Variants in CDK5RAP2 observed in about 807,000 individuals in gnomAD.
CDK5RAP2 encodes CDK5 regulatory subunit-associated protein 2.
A neutral mutation model predicts 232.9 loss-of-function variants in CDK5RAP2; 147 were observed. The ratio of observed to expected loss-of-function variants is 0.63; its 90% confidence interval spans 0.55 to 0.72. The LOEUF (loss-of-function observed/expected upper bound fraction) is 0.72. Among genes scored for constraint, CDK5RAP2 ranks in the 30% least tolerant of loss-of-function variants. The pLI, the probability that CDK5RAP2 is intolerant of heterozygous loss-of-function variation, is 0.00. For missense variants in CDK5RAP2, 2,195 were observed against 2,231.5 expected (o/e 0.98, Z 0.33); for synonymous variants, 833 against 833.7 (o/e 1.00, Z 0.01).
chr9:120,469,118 C>G (rs114624270), intron 17 of CDK5RAP2, among the ~76,000 whole-genome samples: 1 of 152,202 alleles, frequency 6.6e-6, no homozygotes, highest in Non-Finnish European at 1.5e-5. Context: ...TGCCTCCATA[C>G]TCCTTGCCCT....
At chr9:120,498,432 G>T (rs977705753) in intron 12 of CDK5RAP2, among the ~76,000 whole-genome samples, 3 of 152,152 alleles carry the variant, frequency 2.0e-5, no homozygotes, top group African/African-American at 7.2e-5. Context: ...AAAGACAAAA[G>T]CTGAGCAACT....
Position 120,487,429 on chromosome 9 carries a change from A to G in CDK5RAP2, c.1491T>C (p.Asn497=). The part of the protein sequence containing the change: ...NQKDVLLQKF[N]EKDLEVIQQN... ...GCTGTATTACTTCCAAATCTTTTTC[A>G]TTGAATTTCTAATGAAATAAAACAA... is the stretch of plus-strand genomic sequence containing the variant. Residue 497 remains asparagine, a synonymous_variant, in exon 14 of 38, where the codon AAT becomes AAC. Coordinates refer to ENST00000349780, the MANE Select transcript of CDK5RAP2 (RefSeq NM_018249.6). The G allele has an allele frequency of 6.2e-7, 1 of 1,604,216 alleles. No individual in the cohort carries two copies. The highest frequency in any genetic ancestry group is 1.1e-5 in the South Asian group (1 of 88,208).
At chr9:120,567,713 T>C (rs2042697815) in intron 3 of CDK5RAP2, among the ~76,000 whole-genome samples, 1 of 152,242 alleles carries the variant, frequency 6.6e-6, no homozygotes, top group African/African-American at 2.4e-5. Flanking sequence ...AGGTACAGGC[T>C]ACTCACATTT....
rs562226627 is a variant in CDK5RAP2, at chr9:120,500,120, G to T, written c.1312-8643C>A. On this transcript the variant is annotated intron_variant, in intron 12 of 37. Transcript: ENST00000349780. Reference sequence around the variant, plus strand: ...CATCCTTTTAGTCTAAAGGAAAGGCGGGACAGGTGGCGAGGCAGTGCCTAA... The same window carrying T: ...CATCCTTTTAGTCTAAAGGAAAGGCTGGACAGGTGGCGAGGCAGTGCCTAA... 5.3e-5 allele frequency among the ~76,000 whole-genome samples: 8 copies of T among 152,266 alleles called. 1 individual carries two copies. The South Asian group carries it at 1.7e-3, about 32-fold the overall frequency.
Position 120,447,901 on chromosome 9 carries a change from G to A in CDK5RAP2, c.3019C>T (p.Leu1007=). Residue 1007 remains leucine (L), a synonymous_variant, in exon 22 of 38, where the codon CTG becomes TTG. Transcript: ENST00000349780. ...EGRPTPDKTL[L]NAQPPVGAAY... ...CATTTTTCTTGGTGCTTACCATTCA[G>A]CAACGTTTTGTCGGGCGTTGGCCTC... 6.2e-7 allele frequency: 1 copy of A among 1,612,852 alleles called. No individual in the cohort carries two copies. The highest frequency in any genetic ancestry group is 8.5e-7 in the Non-Finnish European group (1 of 1,178,830).
At chr9:120,453,392 G>C (rs1379343963) in intron 21 of CDK5RAP2, 64 bp downstream of exon 21, 1 of 1,451,378 alleles carries the variant, frequency 6.9e-7, no homozygotes, top group African/African-American at 1.4e-5. Flanking sequence ...TGAGATTAAA[G>C]GTGATTTTTA....
At chr9:120,469,675 T>C (rs1191005549) in intron 17 of CDK5RAP2, among the ~76,000 whole-genome samples, 1 of 152,236 alleles carries the variant, frequency 6.6e-6, no homozygotes, top group Admixed American at 6.5e-5. Context: ...TATTAGTTCC[T>C]ATATGTGTGC....
At chr9:120,571,059 TGAGATGGAGAA>T (rs767819852) in intron 2 of CDK5RAP2, among the ~76,000 whole-genome samples, 2,713 of 152,196 alleles carry the variant, frequency 0.018, 39 homozygotes, top group Non-Finnish European at 0.027. Context: ...CTAGGGAGAC[TGAGATGGAGAA>T]TTGCTTGAGT....
chr9:120,533,012 T>C (rs2041221857), intron 7 of CDK5RAP2, among the ~76,000 whole-genome samples: 1 of 152,140 alleles, frequency 6.6e-6, no homozygotes, highest in African/African-American at 2.4e-5. Flanking sequence ...CTCTGTACCT[T>C]TACGTGCTGT....
At chr9:120,572,852 T>C (rs948542726) in intron 1 of CDK5RAP2, among the ~76,000 whole-genome samples, 2 of 152,232 alleles carry the variant, frequency 1.3e-5, no homozygotes, top group African/African-American at 4.8e-5. Context: ...CCTTGAAACC[T>C]ACAGTGCTTT....
At chr9:120,422,083 T>A (rs2131378212) in intron 26 of CDK5RAP2, among the ~76,000 whole-genome samples, 1 of 152,330 alleles carries the variant, frequency 6.6e-6, no homozygotes, top group African/African-American at 2.4e-5. Flanking sequence ...GTAGAAAGCA[T>A]TACAATACCA....
intron 18 of CDK5RAP2, among the ~76,000 whole-genome samples, chr9:120,465,461 C>T (rs1195754756): frequency 6.6e-6 from 1 of 151,962 alleles, no homozygotes; most frequent in Admixed American, 6.6e-5. Flanking sequence ...CGTGAACTAC[C>T]AACAGGCAGG....
chr9:120,396,401 A>G (rs745803922), intron 35 of CDK5RAP2, among the ~76,000 whole-genome samples: 28 of 152,248 alleles, frequency 1.8e-4, no homozygotes, highest in Non-Finnish European at 3.4e-4. Flanking sequence ...CAGCTATCAC[A>G]TTGCAGTAGA....
intron 12 of CDK5RAP2, among the ~76,000 whole-genome samples, chr9:120,499,452 A>ATT (rs747455988): frequency 3.3e-5 from 5 of 152,224 alleles, no homozygotes; most frequent in African/African-American, 4.8e-5. Flanking sequence ...ATTATAGATG[A>ATT]TTTTTTTAAT....
chr9:120,572,070 G>A (rs1414515760), intron 1 of CDK5RAP2, 29 bp from the exon 2 acceptor site: 1 of 1,529,626 alleles, frequency 6.5e-7, no homozygotes, highest in Non-Finnish European at 9.1e-7. Flanking sequence ...GATAAGAGAT[G>A]AGCTAATGTT....
intron 11 of CDK5RAP2, among the ~76,000 whole-genome samples, chr9:120,519,828 C>T (rs1588550829): frequency 6.6e-6 from 1 of 151,984 alleles, no homozygotes; most frequent in African/African-American, 2.4e-5. Flanking sequence ...GAGATTCTCT[C>T]TGTTATTTAG....
intron 1 of CDK5RAP2, among the ~76,000 whole-genome samples, chr9:120,577,247 G>A (rs767923053): frequency 7.2e-5 from 11 of 151,924 alleles, no homozygotes; most frequent in East Asian, 1.9e-4. Flanking sequence ...CTGTAGTCCC[G>A]GCCACTAAGT....
At chr9:120,542,643 GA>G (rs1335225754) in intron 5 of CDK5RAP2, among the ~76,000 whole-genome samples, 12 of 152,144 alleles carry the variant, frequency 7.9e-5, no homozygotes, top group African/African-American at 2.9e-4. Flanking sequence ...TGCTGAACTA[GA>G]AGTCAGGGAC....
chr9:120,402,508 C>T (rs568806964), intron 34 of CDK5RAP2, among the ~76,000 whole-genome samples: 2 of 152,252 alleles, frequency 1.3e-5, no homozygotes, highest in Admixed American at 1.3e-4. Context: ...GACAGACACA[C>T]CAGGGTGCAG....
Sources: allele counts gnomAD v4.1 joint callset (sites outside exome capture counted in the v4.1 genomes callset), GRCh38; gene constraint gnomAD v4.1.1; transcripts MANE v1.5; gene names NCBI Gene and HGNC (gene_info 2026-07-23, HGNC 2026-07-21).